Variants in THSD7B observed in about 807,000 individuals in gnomAD.
THSD7B encodes the protein thrombospondin type 1 domain containing 7B.
THSD7B carries 138 observed loss-of-function variants against 213.6 expected under a neutral mutation model. The ratio of observed to expected loss-of-function variants is 0.65; its 90% CI spans 0.56 to 0.74. The LOEUF is 0.74. Ranked by LOEUF, THSD7B falls within the 30% of genes least tolerant of loss-of-function variation. THSD7B has a pLI of 0.00. For synonymous variants in THSD7B, 742 were observed against 687.0 expected (o/e 1.08, Z -1.25); for missense variants, 1,931 against 1,991.5 (o/e 0.97, Z 0.58).
intron 12 of THSD7B, among the ~76,000 whole-genome samples, chr2:137,350,816 G>T (rs1684996556): frequency 6.6e-6 from 1 of 151,802 alleles, no homozygotes; most frequent in Non-Finnish European, 1.5e-5. Context: ...GAATGCCAAA[G>T]ACTAATTGGA....
intron 15 of THSD7B, among the ~76,000 whole-genome samples, chr2:137,495,469 T>G (rs1318748240): frequency 1.3e-5 from 2 of 152,112 alleles, no homozygotes; most frequent in Admixed American, 6.5e-5. Context: ...ACCCTGGGGT[T>G]TACACCCTCA....
chr2:137,036,530 A>G (rs186069334), intron 2 of THSD7B, among the ~76,000 whole-genome samples: 19 of 152,308 alleles, frequency 1.2e-4, no homozygotes, highest in Non-Finnish European at 2.5e-4. Context: ...TGGCTTATAA[A>G]TATAATTTTC....
At chr2:136,965,875 T>C (rs1055256103) in intron 2 of THSD7B, among the ~76,000 whole-genome samples, 5 of 152,210 alleles carry the variant, frequency 3.3e-5, no homozygotes, top group Non-Finnish European at 5.9e-5. Flanking sequence ...AGGTGCTTAA[T>C]ATATGATTTT....
chr2:136,989,201 G>A (rs1331847658), intron 2 of THSD7B, among the ~76,000 whole-genome samples: 1 of 152,100 alleles, frequency 6.6e-6, no homozygotes, highest in Non-Finnish European at 1.5e-5. Context: ...AAGGAGAGGG[G>A]TATGAGTTTG....
intron 6 of THSD7B, among the ~76,000 whole-genome samples, chr2:137,160,579 C>A (rs114537965): frequency 6.6e-6 from 1 of 152,180 alleles, no homozygotes; most frequent in African/African-American, 2.4e-5. Flanking sequence ...CAGTTAGACT[C>A]ATAGCTGACT....
rs776660976 is a variant in THSD7B at position 137,618,373 on chromosome 2, G to A, written c.3566-19G>A. ...GGCCATAATTTTGAAACTCAGTGTG[G>A]GTGATCCTATGCCTGTAGAGTGGAG... On this transcript the variant is annotated intron_variant, in intron 18 of 27. Transcript: ENST00000409968. 1.2e-6 allele frequency: 2 copies of A among 1,609,322 alleles called. No individual in the cohort carries two copies. Among genetic ancestry groups the A allele is most frequent in the South Asian group, 2.2e-5 (2 of 90,714 alleles).
At chr2:136,859,763 A>G (rs926112669) in intron 1 of THSD7B, among the ~76,000 whole-genome samples, 2 of 152,198 alleles carry the variant, frequency 1.3e-5, no homozygotes, top group African/African-American at 2.4e-5. Context: ...CATTTTTTAA[A>G]AAGAGAAGTA....
intron 3 of THSD7B, among the ~76,000 whole-genome samples, chr2:137,091,607 G>A (rs758998690): frequency 6.6e-6 from 1 of 151,668 alleles, no homozygotes; most frequent in Non-Finnish European, 1.5e-5. Flanking sequence ...TTTTCTGAAG[G>A]CTCTCTCCTT....
chr2:136,862,193 G>A (rs1335271462), intron 1 of THSD7B, among the ~76,000 whole-genome samples: 1 of 152,152 alleles, frequency 6.6e-6, no homozygotes, highest in Admixed American at 6.5e-5. Context: ...AGGAGGTGAG[G>A]ATCAGTAGAG....
Position 136,924,378 on chromosome 2 carries a change from T to C in THSD7B, c.139+42061T>C, listed in dbSNP as rs543173334. Among the ~76,000 whole-genome samples, 19 of 146,532 alleles carry C rather than the reference T, an allele frequency of 1.3e-4. No individual in the cohort carries two copies. In the South Asian group the frequency reaches 3.9e-3, roughly 30 times the overall value. On this transcript the variant is annotated intron_variant, in intron 2 of 27. Transcript: ENST00000409968. ...ACTTATATTCTTACTTTTTGGTGTATGATATAAGGATCCAACTTCATTCTT... is the reference window on the plus strand; with the variant it reads ...ACTTATATTCTTACTTTTTGGTGTACGATATAAGGATCCAACTTCATTCTT...
chr2:136,802,020 G>C (rs894240018), intron 1 of THSD7B, among the ~76,000 whole-genome samples: 1 of 152,018 alleles, frequency 6.6e-6, no homozygotes, highest in Non-Finnish European at 1.5e-5. Context: ...ATGCATGTGT[G>C]GTTTCCGAAC....
At chr2:137,240,917 A>G (rs71419536) in intron 9 of THSD7B, among the ~76,000 whole-genome samples, 7,016 of 152,144 alleles carry the variant, frequency 0.046, 200 homozygotes, top group Admixed American at 0.069. Flanking sequence ...TCAATTCTGT[A>G]ATAGTTAAGT....
chr2:137,221,738 A>G (rs1366201237), intron 7 of THSD7B, among the ~76,000 whole-genome samples: 1 of 152,210 alleles, frequency 6.6e-6, no homozygotes, highest in Admixed American at 6.5e-5. Context: ...TTTCCCATGT[A>G]CAGACATTAA....
chr2:137,450,851 T>C lies in THSD7B; in HGVS notation c.2966T>C (p.Ile989Thr), dbSNP rs1437501145. 1 of 1,604,172 alleles carries C rather than the reference T, an allele frequency of 6.2e-7. No homozygotes were observed. Among genetic ancestry groups the C allele is most frequent in the Non-Finnish European group, 8.5e-7 (1 of 1,176,040 alleles). Residue 989 changes from isoleucine (I) to threonine (T), a missense_variant, in exon 15 of 28, where the codon ATT becomes ACT. Physicochemically the swap from Ile to Thr is moderately conservative, Grantham distance 89. Transcript: ENST00000409968. ...DPSFCSSSGY[I>T]QEKCVIPCPF... ...TTAAATCTTTTTCTGTCAGGTTACA[T>C]TCAAGAAAAATGTGTCATTCCCTGC...
chr2:136,865,652 G>A (rs1188562563), intron 1 of THSD7B, among the ~76,000 whole-genome samples: 1 of 152,170 alleles, frequency 6.6e-6, no homozygotes, highest in Non-Finnish European at 1.5e-5. Flanking sequence ...TGCAAGAAAA[G>A]CTTGTCTAGA....
intron 2 of THSD7B, among the ~76,000 whole-genome samples, chr2:137,044,154 C>T (rs1385907094): frequency 3.3e-5 from 5 of 152,186 alleles, no homozygotes; most frequent in Non-Finnish European, 5.9e-5. Flanking sequence ...CCTTGAAGCA[C>T]AGCTGCTCCT....
intron 2 of THSD7B, among the ~76,000 whole-genome samples, chr2:136,926,123 A>G (rs1684517278): frequency 6.6e-6 from 1 of 152,062 alleles, no homozygotes; most frequent in African/African-American, 2.4e-5. Flanking sequence ...CACCACCTTC[A>G]TAGACTCCTA....
intron 12 of THSD7B, among the ~76,000 whole-genome samples, chr2:137,386,559 A>T (rs183878009): frequency 6.6e-6 from 1 of 152,176 alleles, no homozygotes; most frequent in Non-Finnish European, 1.5e-5. Context: ...TAACTATTAG[A>T]GTTGAACTCT....
chr2:137,360,857 G>A (rs756442268), intron 12 of THSD7B, among the ~76,000 whole-genome samples: 54 of 152,076 alleles, frequency 3.6e-4, no homozygotes, highest in Non-Finnish European at 5.9e-4. Context: ...GAGAGCAGTG[G>A]GTCTCCCAGC....
Sources: gnomAD v4.1 joint callset for allele counts (sites outside exome capture counted in the v4.1 genomes callset) on GRCh38, gnomAD v4.1.1 for gene constraint, MANE v1.5 for transcripts, NCBI Gene and HGNC (gene_info 2026-07-23, HGNC 2026-07-21) for gene names.